The following MTSS1 variants were observed in gnomAD, a reference collection of about 807,000 sequenced individuals.
MTSS1 encodes MTSS I-BAR domain containing 1.
MTSS1 carries 18 observed loss-of-function variants against 79.0 expected under a neutral mutation model. The ratio of observed to expected loss-of-function variants is 0.23; its 90% CI spans 0.16 to 0.34. MTSS1 has a LOEUF of 0.34. Ranked by LOEUF, MTSS1 falls within the 10% of genes least tolerant of loss-of-function variation. The probability of loss-of-function intolerance (pLI) is 1.00; values close to 1 mark genes in which losing one functional copy is unlikely to be tolerated. For missense variants in MTSS1, 815 were observed against 986.2 expected (o/e 0.83, Z 2.33); for synonymous variants, 341 against 368.6 (o/e 0.93, Z 0.86).
chr8:124,601,482 C>T (rs542502492), intron 3 of MTSS1, among the ~76,000 whole-genome samples: 2 of 152,312 alleles, frequency 1.3e-5, no homozygotes, highest in East Asian at 1.9e-4. Flanking sequence ...TGTCATGGGA[C>T]GCTCAGGGCC....
chr8:124,670,048 T>C (rs1033607213), intron 3 of MTSS1, among the ~76,000 whole-genome samples: 1 of 152,146 alleles, frequency 6.6e-6, no homozygotes. Flanking sequence ...GGAGCCTACA[T>C]GCTAGTGGGA....
At chr8:124,599,693 C>T (rs1053836697) in intron 3 of MTSS1, among the ~76,000 whole-genome samples, 2 of 151,924 alleles carry the variant, frequency 1.3e-5, no homozygotes, top group African/African-American at 4.8e-5. Context: ...TAAGTGACCC[C>T]CTCCTCCCCC....
chr8:124,608,550 T>C (rs1248927392), intron 3 of MTSS1, among the ~76,000 whole-genome samples: 1 of 152,242 alleles, frequency 6.6e-6, no homozygotes, highest in Non-Finnish European at 1.5e-5. Flanking sequence ...TTTCAAGCAG[T>C]GGGCCTGAGT....
At chr8:124,610,914 C>T (rs1186143330) in intron 3 of MTSS1, among the ~76,000 whole-genome samples, 1 of 152,166 alleles carries the variant, frequency 6.6e-6, no homozygotes, top group Non-Finnish European at 1.5e-5. Context: ...CAATTCTAGC[C>T]ATTCAATGCC....
chr8:124,596,522 C>A (rs1832789416), intron 3 of MTSS1, among the ~76,000 whole-genome samples: 1 of 152,198 alleles, frequency 6.6e-6, no homozygotes, highest in African/African-American at 2.4e-5. Context: ...GGCTGGGCTG[C>A]CAAAGCATGA....
chr8:124,572,049 C>T (rs55865605), intron 6 of MTSS1, among the ~76,000 whole-genome samples: 3,396 of 152,100 alleles, frequency 0.022, 68 homozygotes, highest in Non-Finnish European at 0.035. Flanking sequence ...CTTCCTTTCA[C>T]AAGTTATAAG....
intron 3 of MTSS1, among the ~76,000 whole-genome samples, chr8:124,600,473 TAG>T (rs1833604125): frequency 6.6e-6 from 1 of 152,198 alleles, no homozygotes; most frequent in African/African-American, 2.4e-5. Flanking sequence ...GTGCGCATGC[TAG>T]AGAGAGAGTC....
chr8:124,637,088 G>T (rs1037359462), intron 3 of MTSS1, among the ~76,000 whole-genome samples: 1 of 152,242 alleles, frequency 6.6e-6, no homozygotes, highest in East Asian at 1.9e-4. Context: ...GGAGTTGGAC[G>T]TGTACCCTAA....
chr8:124,642,925 A>C (rs1255378875), intron 3 of MTSS1, among the ~76,000 whole-genome samples: 1 of 152,202 alleles, frequency 6.6e-6, no homozygotes, highest in African/African-American at 2.4e-5. Flanking sequence ...GTTAAACCTC[A>C]GTTTTCTCAT....
intron 3 of MTSS1, among the ~76,000 whole-genome samples, chr8:124,593,303 T>C (rs997317790): frequency 6.6e-6 from 1 of 152,360 alleles, no homozygotes; most frequent in Admixed American, 6.5e-5. Flanking sequence ...ACTCACTCAC[T>C]GATGGTAAGA....
At chr8:124,722,484 T>G (rs1338273035) in intron 1 of MTSS1, among the ~76,000 whole-genome samples, 1 of 152,240 alleles carries the variant, frequency 6.6e-6, no homozygotes, top group Non-Finnish European at 1.5e-5. Context: ...GTTTCTGATT[T>G]GCCTTGGTGG....
chr8:124,675,010 C>A (rs1358161262), intron 3 of MTSS1, among the ~76,000 whole-genome samples: 1 of 152,214 alleles, frequency 6.6e-6, no homozygotes, highest in East Asian at 1.9e-4. Context: ...GCATGAGCCA[C>A]CATGTCCGGC....
chr8:124,622,090 G>A (rs4355752), intron 3 of MTSS1, among the ~76,000 whole-genome samples: 39,118 of 151,196 alleles, frequency 0.26, 6,894 homozygotes, highest in African/African-American at 0.5. Context: ...GAGAGAGAGA[G>A]AGAGAGAATA....
intron 4 of MTSS1, 63 bp downstream of exon 4, chr8:124,591,088 A>T (rs1831799074): frequency 7.4e-7 from 1 of 1,353,338 alleles, no homozygotes; most frequent in Non-Finnish European, 1.1e-6. Flanking sequence ...GCCACACATG[A>T]CTGCTTCCTT....
rs536780561 is a variant in MTSS1 at position 124,588,739 on chromosome 8, G to GT, written c.385+880dup. 2.8e-3 allele frequency among the ~76,000 whole-genome samples: 424 copies of GT among 152,346 alleles called. 2 individuals are homozygous for GT. Among genetic ancestry groups the GT allele is most frequent in the African/African-American group, 9.8e-3 (406 of 41,586 alleles). The stretch of plus-strand genomic sequence containing the variant: ...TTCTTTGGAGGGTTAGGGGGAGGCA[G>GT]TGTCTTGCTCTGTCACCCAGGCTGG... On this transcript the variant is annotated intron_variant, in intron 5 of 13. Transcript: ENST00000518547.
intron 3 of MTSS1, among the ~76,000 whole-genome samples, chr8:124,672,368 C>T (rs948546751): frequency 6.6e-6 from 1 of 152,006 alleles, no homozygotes; most frequent in Non-Finnish European, 1.5e-5. Context: ...GTGGCATGTG[C>T]CTACAATCCC....
At chr8:124,703,051 C>T (rs919063573) in intron 2 of MTSS1, among the ~76,000 whole-genome samples, 46 of 152,132 alleles carry the variant, frequency 3.0e-4, no homozygotes, top group African/African-American at 8.9e-4. Flanking sequence ...TAAAATACAC[C>T]CTTTTTCAGG....
chr8:124,552,921 G>A lies in MTSS1; in HGVS notation c.*71C>T. On this transcript the variant is annotated 3_prime_UTR_variant, in exon 14 of 14. Transcript: ENST00000518547. Reference sequence around the variant, plus strand: ...AAAATCTTTTGTTTTATTATAGAGTGGAATGGATCAAGACAAATTAGGTTT... The same window carrying A: ...AAAATCTTTTGTTTTATTATAGAGTAGAATGGATCAAGACAAATTAGGTTT... The A allele has an allele frequency of 6.8e-7, 1 of 1,465,886 alleles. No individual in the cohort carries two copies. The allele number at this position is 1,465,886 out of a possible 1,614,324, so 90.8% of individuals were successfully genotyped here.
At chr8:124,697,243 T>C (rs552038557) in intron 3 of MTSS1, among the ~76,000 whole-genome samples, 35 of 139,840 alleles carry the variant, frequency 2.5e-4, no homozygotes, top group African/African-American at 8.4e-4. Context: ...CTTAAAACAG[T>C]AGAGCAGCTT....
Sources: allele counts gnomAD v4.1 joint callset (sites outside exome capture counted in the v4.1 genomes callset), GRCh38; gene constraint gnomAD v4.1.1; transcripts MANE v1.5; gene names NCBI Gene and HGNC (gene_info 2026-07-23, HGNC 2026-07-21).